The following CCDC66 variants were observed in gnomAD, a reference collection of about 807,000 sequenced individuals.
The protein encoded by CCDC66 is coiled-coil domain-containing protein 66.
In CCDC66, 133 loss-of-function variants were observed where a neutral mutation model predicts 128.3. The ratio of observed to expected loss-of-function variants is 1.04; its 90% CI spans 0.90 to 1.20. The LOEUF is 1.20. Among genes scored for constraint, CCDC66 ranks in the 50% most tolerant of loss-of-function variants. The pLI is 0.00. For synonymous variants in CCDC66, 387 were observed against 357.0 expected (o/e 1.08, Z -0.95); for missense variants, 1,126 against 1,075.5 (o/e 1.05, Z -0.66).
intron 7 of CCDC66, among the ~76,000 whole-genome samples, chr3:56,579,725 G>A (rs1355532757): frequency 4.6e-5 from 7 of 151,846 alleles, no homozygotes; most frequent in Non-Finnish European, 7.3e-5. Flanking sequence ...GGTTTTGAGT[G>A]AATTTCTTAA....
At chr3:56,595,723 TG>T (rs2071758239) in intron 10 of CCDC66, among the ~76,000 whole-genome samples, 2 of 152,240 alleles carry the variant, frequency 1.3e-5, no homozygotes, top group Admixed American at 1.3e-4. Context: ...ACAGATTTCA[TG>T]TTCTTTCGAT....
chr3:56,596,656 G>A (rs951363188), intron 10 of CCDC66, among the ~76,000 whole-genome samples: 1 of 151,622 alleles, frequency 6.6e-6, no homozygotes, highest in African/African-American at 2.4e-5. Flanking sequence ...TTGAGGTCTC[G>A]ACCACAAACT....
At chr3:56,594,974 T>C (rs2071607373) in intron 10 of CCDC66, among the ~76,000 whole-genome samples, 1 of 152,200 alleles carries the variant, frequency 6.6e-6, no homozygotes. Context: ...AAAAGGCATG[T>C]AGAACTTGAC....
chr3:56,596,876 T>C (rs2072054306), intron 10 of CCDC66, among the ~76,000 whole-genome samples: 1 of 149,560 alleles, frequency 6.7e-6, no homozygotes, highest in Non-Finnish European at 1.5e-5. Flanking sequence ...CTGCTCAGCC[T>C]CCTGAGTAGC....
chr3:56,617,601 A>G lies in CCDC66; in HGVS notation c.2333A>G (p.Lys778Arg). 2 of 1,596,116 alleles carry G rather than the reference A, an allele frequency of 1.3e-6. No homozygotes were observed. The highest frequency in any genetic ancestry group is 2.3e-5 in the South Asian group (2 of 87,476). Residue 778 changes from lysine to arginine, a missense_variant, in exon 14 of 18, where the codon AAA becomes AGA. By Grantham distance (26) the Lys-to-Arg change is conservative (BLOSUM62 2). Coordinates refer to ENST00000394672, the MANE Select transcript of CCDC66 (RefSeq NM_001141947.3). ...TESKLRWHLV[K>R]KEEEPLNIHS... ...TCAAAGTTGAGGTGGCATCTAGTCAAAAAGGTAAAGCTCTTCCATCTTAGA... is the reference window on the plus strand; with the variant it reads ...TCAAAGTTGAGGTGGCATCTAGTCAGAAAGGTAAAGCTCTTCCATCTTAGA...
chr3:56,594,802 AAT>A (rs575596804), intron 10 of CCDC66, among the ~76,000 whole-genome samples: 63 of 152,366 alleles, frequency 4.1e-4, no homozygotes, highest in Middle Eastern at 3.4e-3. Context: ...TAATTCTTCA[AAT>A]CCTTTGATAT....
At position 56,580,349 on chromosome 3, in the gene CCDC66, T is replaced by C. The variant is rs550630755; in HGVS notation, c.936+9047T>C. Among the ~76,000 whole-genome samples, 6 of 150,760 alleles carry C rather than the reference T, an allele frequency of 4.0e-5. No individual in the cohort carries two copies. In the East Asian group the frequency reaches 6.5e-4, roughly 16 times the overall value. ...CCGGAATACAGCACACTGATGGGTC[T>C]TGACTCTTTATCCATTTTGCCAGTC... On this transcript the variant is annotated intron_variant, in intron 7 of 17. Coordinates refer to ENST00000394672, the MANE Select transcript of CCDC66 (RefSeq NM_001141947.3).
rs2075136095 is a variant in CCDC66, at chr3:56,613,628, A to G, written c.1444A>G (p.Lys482Glu). 4 of 1,614,062 alleles carry G rather than the reference A, an allele frequency of 2.5e-6. No individual in the cohort carries two copies. The highest frequency in any genetic ancestry group is 3.4e-6 in the Non-Finnish European group (4 of 1,179,948). Residue 482 changes from lysine (K) to glutamate (E), a missense_variant, in exon 11 of 18, where the codon AAA becomes GAA. Coordinates refer to ENST00000394672, the MANE Select transcript of CCDC66 (RefSeq NM_001141947.3). ...CCAGGTAGAAGAGAAGCGCAGGAAG[A>G]AACAACTGGAGGAAGAGCAAAGAAA... ...TAQVEEKRRK[K>E]QLEEEQRKKE...
At chr3:56,604,713 A>G (rs2073807679) in intron 10 of CCDC66, among the ~76,000 whole-genome samples, 1 of 150,678 alleles carries the variant, frequency 6.6e-6, no homozygotes, top group Admixed American at 6.6e-5. Flanking sequence ...TGCCCTTAAC[A>G]TTTTTTCCTC....
chr3:56,600,602 G>A (rs1363572611), intron 10 of CCDC66, among the ~76,000 whole-genome samples: 1 of 152,004 alleles, frequency 6.6e-6, no homozygotes, highest in Non-Finnish European at 1.5e-5. Context: ...CACCAACAGT[G>A]TAAAAGCGTT....
At chr3:56,557,583 C>CGGCTCCTGGGGAG in intron 1 of CCDC66, 1 of 362,168 alleles carries the variant, frequency 2.8e-6, no homozygotes, top group Non-Finnish European at 5.0e-6. Flanking sequence ...GGAAGCGTGG[C>CGGCTCCTGGGGAG]GGCTCCTGGG....
At chr3:56,594,100 G>A in intron 10 of CCDC66, 72 bp downstream of exon 10, 1 of 1,372,120 alleles carries the variant, frequency 7.3e-7, no homozygotes, top group Non-Finnish European at 1.0e-6. Context: ...CTAAGTAAAT[G>A]GAAATTTAAA....
intron 11 of CCDC66, 125 bp downstream of exon 11, chr3:56,613,875 G>T: frequency 1.3e-6 from 1 of 741,218 alleles, no homozygotes; most frequent in Admixed American, 2.6e-5. Flanking sequence ...TGACCTCTGG[G>T]CACAAGTTGT....
At chr3:56,596,921 ATT>A (rs34101943) in intron 10 of CCDC66, among the ~76,000 whole-genome samples, 10 of 132,290 alleles carry the variant, frequency 7.6e-5, no homozygotes, top group Admixed American at 7.6e-5. Flanking sequence ...CACCTGGCTA[ATT>A]TTTTTTTTTT....
intron 6 of CCDC66, among the ~76,000 whole-genome samples, chr3:56,570,944 C>T (rs527817662): frequency 6.6e-6 from 1 of 152,250 alleles, no homozygotes; most frequent in South Asian, 2.1e-4. Context: ...AATAAAACTG[C>T]TCCTTATTGG....
intron 10 of CCDC66, among the ~76,000 whole-genome samples, chr3:56,610,572 AT>A (rs2074656542): frequency 6.6e-6 from 1 of 152,076 alleles, no homozygotes; most frequent in Non-Finnish European, 1.5e-5. Context: ...TTTCAGGTAA[AT>A]CAGGGATTTC....
At chr3:56,590,072 C>G (rs887281682) in intron 7 of CCDC66, among the ~76,000 whole-genome samples, 1 of 152,162 alleles carries the variant, frequency 6.6e-6, no homozygotes, top group Non-Finnish European at 1.5e-5. Flanking sequence ...GTCCCGACAT[C>G]CCTACCACCC....
chr3:56,576,567 C>T (rs920536644), intron 7 of CCDC66, among the ~76,000 whole-genome samples: 1 of 130,114 alleles, frequency 7.7e-6, no homozygotes, highest in African/African-American at 2.8e-5. Flanking sequence ...TCCCCCCACC[C>T]CACGACAAGC....
chr3:56,581,404 T>C (rs1478258474), intron 7 of CCDC66, among the ~76,000 whole-genome samples: 1 of 151,866 alleles, frequency 6.6e-6, no homozygotes, highest in Non-Finnish European at 1.5e-5. Flanking sequence ...TGAAGCCTTC[T>C]TCTCTCAACT....
Sources: allele counts gnomAD v4.1 joint callset (sites outside exome capture counted in the v4.1 genomes callset), GRCh38; gene constraint gnomAD v4.1.1; transcripts MANE v1.5; gene names NCBI Gene and HGNC (gene_info 2026-07-23, HGNC 2026-07-21).